Variants in RBFOX3 observed in about 807,000 individuals in gnomAD.
RBFOX3 encodes the protein RNA binding protein fox-1 homolog 3.
In RBFOX3, 17 loss-of-function variants were observed where a neutral mutation model predicts 48.7. The ratio of observed to expected loss-of-function variants is 0.35; its 90% confidence interval spans 0.24 to 0.52. RBFOX3 has a LOEUF of 0.52. Ranked by LOEUF, RBFOX3 falls within the 20% of genes least tolerant of loss-of-function variation. The probability of loss-of-function intolerance (pLI) is 0.94; values close to 1 mark genes in which losing one functional copy is unlikely to be tolerated. For synonymous variants in RBFOX3, 212 were observed against 209.5 expected (o/e 1.01, Z -0.10); for missense variants, 382 against 497.5 (o/e 0.77, Z 2.21).
intron 4 of RBFOX3, among the ~76,000 whole-genome samples, chr17:79,175,388 T>G (rs1480734765): frequency 6.6e-6 from 1 of 151,930 alleles, no homozygotes; most frequent in African/African-American, 2.4e-5. Flanking sequence ...TCCTCTGGAG[T>G]CCCTGTCATA....
At chr17:79,150,726 T>G (rs1262452979) in intron 4 of RBFOX3, among the ~76,000 whole-genome samples, 2 of 151,914 alleles carry the variant, frequency 1.3e-5, no homozygotes, top group Non-Finnish European at 2.9e-5. Flanking sequence ...TGCCCCACAT[T>G]CTTAGCCAGA....
intron 2 of RBFOX3, among the ~76,000 whole-genome samples, chr17:79,441,161 G>A (rs1555734622): frequency 6.6e-6 from 1 of 152,232 alleles, no homozygotes; most frequent in African/African-American, 2.4e-5. Flanking sequence ...AGGGTCATCA[G>A]GAGAGGGAAA....
At chr17:79,321,880 A>C (rs2078578354) in intron 2 of RBFOX3, among the ~76,000 whole-genome samples, 1 of 151,954 alleles carries the variant, frequency 6.6e-6, no homozygotes, top group Non-Finnish European at 1.5e-5. Flanking sequence ...TAATTTTTGT[A>C]TTTTTAGTAC....
intron 4 of RBFOX3, among the ~76,000 whole-genome samples, chr17:79,174,150 G>A (rs2049997225): frequency 6.6e-6 from 1 of 152,122 alleles, no homozygotes; most frequent in Non-Finnish European, 1.5e-5. Flanking sequence ...AAACCTCCAG[G>A]GTGAAAACAC....
At chr17:79,297,319 C>T (rs981563977) in intron 3 of RBFOX3, among the ~76,000 whole-genome samples, 2 of 152,188 alleles carry the variant, frequency 1.3e-5, no homozygotes, top group Non-Finnish European at 2.9e-5. Context: ...GCCAAGGTGC[C>T]CCTCATGTGA....
At chr17:79,376,263 G>T (rs907789615) in intron 2 of RBFOX3, among the ~76,000 whole-genome samples, 10 of 152,192 alleles carry the variant, frequency 6.6e-5, no homozygotes, top group Admixed American at 5.2e-4. Context: ...GGAATGAAAT[G>T]ATTTCCTCCC....
At chr17:79,492,174 T>C (rs1309471668) in intron 1 of RBFOX3, among the ~76,000 whole-genome samples, 2 of 152,150 alleles carry the variant, frequency 1.3e-5, no homozygotes, top group Admixed American at 6.5e-5. Flanking sequence ...CCCTGGAATG[T>C]CGGGGAGGAG....
At position 79,579,394 on chromosome 17, in the gene RBFOX3, C is replaced by T. The variant is rs1054008933; in HGVS notation, c.-320+31432G>A. ...TGCTCCCCAAAACCAAGAACTGCAC[C>T]CCGCTTTTGGCCTTGATATTCACAG... On this transcript the variant is annotated intron_variant, in intron 1 of 14. Coordinates refer to ENST00000693108, the MANE Select transcript of RBFOX3 (RefSeq NM_001350451.2). Among the ~76,000 whole-genome samples, 1,084 of 152,310 alleles carry T rather than the reference C, an allele frequency of 7.1e-3. 8 individuals are homozygous for T. Among genetic ancestry groups the T allele is most frequent in the African/African-American group, 0.023 (970 of 41,572 alleles).
intron 1 of RBFOX3, chr17:79,598,359 CA>C (rs1324402508): frequency 6.6e-6 from 1 of 150,472 alleles, no homozygotes; most frequent in East Asian, 2.0e-4. Context: ...CATACATGCA[CA>C]CATGTGCACA....
chr17:79,256,737 G>T (rs1232411405), intron 3 of RBFOX3, among the ~76,000 whole-genome samples: 1 of 152,122 alleles, frequency 6.6e-6, no homozygotes, highest in Non-Finnish European at 1.5e-5. Context: ...GGCCAAGAAG[G>T]AGAAAACCCA....
At chr17:79,634,843 T>C in the RBFOX3 span, among the ~76,000 whole-genome samples, 7 of 151,884 alleles carry the variant, frequency 4.6e-5, no homozygotes, top group Non-Finnish European at 7.4e-5. Context: ...GTAGATCACT[T>C]GAGGTCAGGA....
intron 3 of RBFOX3, among the ~76,000 whole-genome samples, chr17:79,264,942 T>C (rs980171536): frequency 9.2e-5 from 14 of 151,474 alleles, no homozygotes; most frequent in African/African-American, 3.2e-4. Context: ...ACGAATGCCC[T>C]TGGAGACCCT....
At chr17:79,615,046 A>G (rs1389179010), upstream of RBFOX3, among the ~76,000 whole-genome samples, 2 of 149,390 alleles carry the variant, frequency 1.3e-5, no homozygotes, top group South Asian at 2.1e-4. Flanking sequence ...CATTATCTTG[A>G]AAAGTAAATC....
At chr17:79,449,709 C>A (rs545304585) in intron 2 of RBFOX3, among the ~76,000 whole-genome samples, 1 of 151,036 alleles carries the variant, frequency 6.6e-6, no homozygotes, top group Admixed American at 6.6e-5. Context: ...CGTTACATTC[C>A]GGATGCTGGA....
chr17:79,444,187 G>A (rs1364499594), intron 2 of RBFOX3, among the ~76,000 whole-genome samples: 3 of 152,154 alleles, frequency 2.0e-5, no homozygotes, highest in Admixed American at 6.5e-5. Flanking sequence ...CCAAGGAGGG[G>A]GCTGCAGACC....
At chr17:79,280,124 G>T (rs907481861) in intron 3 of RBFOX3, among the ~76,000 whole-genome samples, 2 of 124,458 alleles carry the variant, frequency 1.6e-5, no homozygotes, top group Middle Eastern at 4.7e-3. Flanking sequence ...ACACACACAC[G>T]CACATACATG....
rs956183998 is a variant in RBFOX3, at chr17:79,572,492, C to T, written c.-320+38334G>A. 1.5e-4 allele frequency among the ~76,000 whole-genome samples: 23 copies of T among 152,184 alleles called. No homozygotes were observed. The East Asian group carries it at 4.5e-3, about 30-fold the overall frequency. On this transcript the variant is annotated intron_variant, in intron 1 of 14. Transcript: ENST00000693108. ...CTTGCCCCTTCTCCCAGACCCCTCC[C>T]ACCCCAGCTCTGCCCACCAGGCCTC...
the RBFOX3 span, among the ~76,000 whole-genome samples, chr17:79,626,261 A>C: frequency 6.6e-6 from 1 of 151,980 alleles, no homozygotes; most frequent in Non-Finnish European, 1.5e-5. Flanking sequence ...AGACCCTCCA[A>C]CCTTTGCACC....
chr17:79,460,373 G>A (rs1302886271), intron 2 of RBFOX3, among the ~76,000 whole-genome samples: 1 of 151,722 alleles, frequency 6.6e-6, no homozygotes, highest in African/African-American at 2.4e-5. Flanking sequence ...TTCCTAAAAG[G>A]CTTCCAGTCT....
Sources: allele counts gnomAD v4.1 joint callset (sites outside exome capture counted in the v4.1 genomes callset), GRCh38; gene constraint gnomAD v4.1.1; transcripts MANE v1.5; gene names NCBI Gene and HGNC (gene_info 2026-07-23, HGNC 2026-07-21).